Variants in KCNIP4 observed in about 807,000 individuals in gnomAD.
KCNIP4 encodes the protein Kv channel-interacting protein 4.
A neutral mutation model predicts 34.0 loss-of-function variants in KCNIP4; 12 were observed. That is an observed-to-expected ratio of 0.35 (90% CI 0.23 to 0.57). KCNIP4 has a LOEUF of 0.57. Ranked by LOEUF, KCNIP4 falls within the 20% of genes least tolerant of loss-of-function variation. KCNIP4 has a pLI of 0.83. For missense variants in KCNIP4, 238 were observed against 311.7 expected (o/e 0.76, Z 1.78); for synonymous variants, 124 against 102.2 (o/e 1.21, Z -1.29).
chr4:21,739,519 T>C (rs1375158951), intron 1 of KCNIP4, among the ~76,000 whole-genome samples: 1 of 152,080 alleles, frequency 6.6e-6, no homozygotes, highest in African/African-American at 2.4e-5. Flanking sequence ...AATGACGTTT[T>C]TCAAAGAAGT....
At chr4:21,034,155 G>T (rs1393798163) in intron 1 of KCNIP4, among the ~76,000 whole-genome samples, 2 of 152,098 alleles carry the variant, frequency 1.3e-5, no homozygotes, top group African/African-American at 2.4e-5. Context: ...AGAAAAGAAA[G>T]AAATTTTTTA....
In KCNIP4 at chr4:21,697,539, A is replaced by G. The variant is rs1712472794; in HGVS notation, c.61+251032T>C. The G allele has an allele frequency of 2.1e-6, 3 of 1,448,168 alleles. No individual in the cohort carries two copies. The Admixed American group carries it at 9.7e-5, about 47-fold the overall frequency. The allele number at this position is 1,448,168 out of a possible 1,614,324, so 89.7% of individuals were successfully genotyped here. ...GTCTCTGAGGAGAAACTTCTGTCTC[A>G]GTTTATGCACAGGCTGCCTTACAAC... is the stretch of plus-strand genomic sequence containing the variant. On this transcript the variant is annotated intron_variant, in intron 1 of 8. Coordinates refer to ENST00000382152, the MANE Select transcript of KCNIP4 (RefSeq NM_025221.6).
rs1043368376 is a variant in KCNIP4, at chr4:20,945,065, G to A, written c.62-62356C>T. 3.9e-5 allele frequency among the ~76,000 whole-genome samples: 6 copies of A among 152,114 alleles called. No homozygotes were observed. The East Asian group carries it at 9.6e-4, about 24-fold the overall frequency. On this transcript the variant is annotated intron_variant, in intron 1 of 8. Coordinates refer to ENST00000382152, the MANE Select transcript of KCNIP4 (RefSeq NM_025221.6). Reference sequence around the variant, plus strand: ...TGCCTTTGAATCTCAGGAGATCTGGGCCATCAAAAGTCCATTTGGTTCCAA... The same window carrying A: ...TGCCTTTGAATCTCAGGAGATCTGGACCATCAAAAGTCCATTTGGTTCCAA...
At chr4:20,874,866 G>T (rs566177192) in intron 2 of KCNIP4, among the ~76,000 whole-genome samples, 1 of 152,218 alleles carries the variant, frequency 6.6e-6, no homozygotes, top group South Asian at 2.1e-4. Context: ...GAACGATAGG[G>T]CCAATTGGTA....
chr4:21,786,716 C>A (rs554216244), intron 1 of KCNIP4, among the ~76,000 whole-genome samples: 1 of 151,540 alleles, frequency 6.6e-6, no homozygotes, highest in South Asian at 2.1e-4. Flanking sequence ...TACAGGCACC[C>A]GCCACCATGC....
chr4:21,815,381 T>C (rs1721931553), intron 1 of KCNIP4, among the ~76,000 whole-genome samples: 1 of 152,196 alleles, frequency 6.6e-6, no homozygotes, highest in African/African-American at 2.4e-5. Context: ...TGTAATGTTA[T>C]AAGTTAGGTA....
chr4:20,850,308 A>T (rs1165631540), intron 3 of KCNIP4: 1 of 364,000 alleles, frequency 2.7e-6, no homozygotes, highest in Non-Finnish European at 5.0e-6. Flanking sequence ...ACTGAATTGA[A>T]TAAAACTTTC....
chr4:21,023,552 C>T (rs1168419338), intron 1 of KCNIP4, among the ~76,000 whole-genome samples: 13 of 151,886 alleles, frequency 8.6e-5, no homozygotes, highest in Admixed American at 8.5e-4. Flanking sequence ...TGCAAATGAC[C>T]AATATGCACC....
chr4:21,720,007 A>AAGGAGAAGG (rs1284501648), intron 1 of KCNIP4, among the ~76,000 whole-genome samples: 1 of 128,362 alleles, frequency 7.8e-6, no homozygotes, highest in African/African-American at 3.4e-5. Context: ...AAAGAAAAAG[A>AAGGAGAAGG]AGAAGAAGAA....
Position 21,470,835 on chromosome 4 carries a change from A to AAT in KCNIP4, c.61+477735_61+477736insAT, listed in dbSNP as rs1553888009. ...GTTGATAATTTAACAAAAAAAAAAA[A>AAT]GTCCTCTTTGAAAACCTAAAATCAT... On this transcript the variant is annotated intron_variant, in intron 1 of 8. Transcript: ENST00000382152. Among the ~76,000 whole-genome samples the AAT allele has an allele frequency of 7.9e-5, 12 of 150,978 alleles. No homozygotes were observed. The East Asian group carries it at 2.3e-3, about 29-fold the overall frequency.
At chr4:21,358,781 C>T (rs144335984) in intron 1 of KCNIP4, among the ~76,000 whole-genome samples, 2,059 of 152,206 alleles carry the variant, frequency 0.014, 35 homozygotes, top group Non-Finnish European at 0.019. Flanking sequence ...AAATGCATAT[C>T]TGATTGCCTC....
intron 1 of KCNIP4, among the ~76,000 whole-genome samples, chr4:21,382,622 C>G (rs1019609010): frequency 6.6e-6 from 1 of 152,086 alleles, no homozygotes; most frequent in African/African-American, 2.4e-5. Context: ...TAGATGATCC[C>G]AAGATTTAGT....
chr4:21,665,710 G>A (rs1302223439), intron 1 of KCNIP4, among the ~76,000 whole-genome samples: 1 of 152,160 alleles, frequency 6.6e-6, no homozygotes. Context: ...TGTCTGCAAT[G>A]AACAAGATAG....
intron 1 of KCNIP4, among the ~76,000 whole-genome samples, chr4:21,391,987 G>A (rs750500088): frequency 1.3e-5 from 2 of 152,140 alleles, no homozygotes; most frequent in Non-Finnish European, 2.9e-5. Context: ...CCCAGGGATA[G>A]TATCATTAAC....
intron 3 of KCNIP4, among the ~76,000 whole-genome samples, chr4:20,829,164 C>T (rs1315568239): frequency 2.0e-5 from 3 of 152,060 alleles, no homozygotes; most frequent in Non-Finnish European, 4.4e-5. Flanking sequence ...GACGAAGGTC[C>T]AGTCTTCTCC....
intron 1 of KCNIP4, among the ~76,000 whole-genome samples, chr4:20,971,566 T>A (rs1734955692): frequency 6.6e-6 from 1 of 152,288 alleles, no homozygotes; most frequent in South Asian, 2.1e-4. Flanking sequence ...TAAAAAACAA[T>A]GTGCAAACTG....
chr4:21,882,237 G>A (rs1726499373), intron 1 of KCNIP4, among the ~76,000 whole-genome samples: 1 of 152,072 alleles, frequency 6.6e-6, no homozygotes, highest in African/African-American at 2.4e-5. Flanking sequence ...CTTATTCAAT[G>A]CTCAACTGAC....
chr4:21,361,590 A>G (rs975659869), intron 1 of KCNIP4, among the ~76,000 whole-genome samples: 3 of 152,102 alleles, frequency 2.0e-5, no homozygotes, highest in African/African-American at 7.2e-5. Context: ...ACAATTAGGA[A>G]CAAGTGGTTC....
At chr4:21,000,244 C>T (rs561766851) in intron 1 of KCNIP4, among the ~76,000 whole-genome samples, 1 of 152,248 alleles carries the variant, frequency 6.6e-6, no homozygotes. Flanking sequence ...CCATCCTCTC[C>T]TTCATGACTC....
Sources: allele counts gnomAD v4.1 joint callset (sites outside exome capture counted in the v4.1 genomes callset), GRCh38; gene constraint gnomAD v4.1.1; transcripts MANE v1.5; gene names NCBI Gene and HGNC (gene_info 2026-07-23, HGNC 2026-07-21).